TPP2: variants seen among roughly 807,000 people sequenced by gnomAD.
TPP2 encodes tripeptidyl peptidase 2.
TPP2 carries 34 observed loss-of-function variants against 155.9 expected under a neutral mutation model. That is an observed-to-expected ratio of 0.22 (90% CI 0.17 to 0.29). TPP2 has a LOEUF of 0.29. Ranked by LOEUF, TPP2 falls within the 10% of genes least tolerant of loss-of-function variation. The pLI, the probability that TPP2 is intolerant of heterozygous loss-of-function variation, is 1.00. For synonymous variants in TPP2, 510 were observed against 529.4 expected, an observed-to-expected ratio of 0.96 and a Z score of 0.50; for missense variants, 1,028 against 1,522.3, an observed-to-expected ratio of 0.68 and a Z score of 5.40.
At chr13:102,677,708 T>C (rs1885372747) in intron 29 of TPP2, among the ~76,000 whole-genome samples, 1 of 152,230 alleles carries the variant, frequency 6.6e-6, no homozygotes, top group Non-Finnish European at 1.5e-5. Context: ...AGAGATCCTT[T>C]CTTAACCATC....
chr13:102,601,551 A>C (rs1566312848), intron 1 of TPP2, among the ~76,000 whole-genome samples: 1 of 152,238 alleles, frequency 6.6e-6, no homozygotes, highest in African/African-American at 2.4e-5. Context: ...AACATAGCCC[A>C]GTAAGCATTT....
At chr13:102,610,519 C>T (rs144638317) in intron 2 of TPP2, among the ~76,000 whole-genome samples, 181 of 152,258 alleles carry the variant, frequency 1.2e-3, no homozygotes, top group Middle Eastern at 3.4e-3. Context: ...TGTCAGCCAC[C>T]GCGCCCAGCT....
chr13:102,647,485 G>T (rs771843778), intron 21 of TPP2, 141 bp downstream of exon 21: 35 of 1,037,196 alleles, frequency 3.4e-5, no homozygotes, highest in Non-Finnish European at 4.4e-5. Flanking sequence ...TGCAAACTGT[G>T]AGAGCCTGTT....
chr13:102,640,448 C>G (rs995503525), intron 16 of TPP2, 72 bp downstream of exon 16: 4 of 1,230,564 alleles, frequency 3.3e-6, no homozygotes, highest in Admixed American at 1.8e-5. Context: ...GTATGAGGTT[C>G]GTTTATCTGT....
At chr13:102,637,817 T>C (rs1425589268) in intron 14 of TPP2, among the ~76,000 whole-genome samples, 1 of 152,202 alleles carries the variant, frequency 6.6e-6, no homozygotes, top group Non-Finnish European at 1.5e-5. Context: ...TCCCAGGGCT[T>C]TGGGATTACA....
intron 27 of TPP2, among the ~76,000 whole-genome samples, chr13:102,673,690 G>C (rs1005984221): frequency 1.3e-5 from 2 of 152,160 alleles, no homozygotes; most frequent in Non-Finnish European, 2.9e-5. Context: ...CTTCCTAACT[G>C]GAGGACCTTG....
At chr13:102,637,660 C>T (rs566628169) in intron 14 of TPP2, among the ~76,000 whole-genome samples, 26 of 152,236 alleles carry the variant, frequency 1.7e-4, no homozygotes, top group Admixed American at 1.4e-3. Context: ...AAGTGATATT[C>T]ACACCTTAGC....
intron 24 of TPP2, among the ~76,000 whole-genome samples, chr13:102,653,247 A>G (rs994807094): frequency 2.0e-5 from 3 of 152,230 alleles, no homozygotes; most frequent in Admixed American, 6.5e-5. Flanking sequence ...AAAAAAATAC[A>G]TGTATAATTT....
chr13:102,619,959 AG>A (rs1331515392), intron 5 of TPP2, among the ~76,000 whole-genome samples: 1 of 152,220 alleles, frequency 6.6e-6, no homozygotes, highest in Non-Finnish European at 1.5e-5. Context: ...AAAGGAGGCA[AG>A]GTTAAATTCA....
At chr13:102,643,117 TG>T in intron 16 of TPP2, 104 bp from the exon 17 acceptor site, 2 of 1,059,674 alleles carry the variant, frequency 1.9e-6, no homozygotes. Flanking sequence ...ATCCCTATTA[TG>T]TCCCTACATG....
At chr13:102,619,447 A>C (rs945665740) in intron 5 of TPP2, among the ~76,000 whole-genome samples, 3 of 147,936 alleles carry the variant, frequency 2.0e-5, no homozygotes, top group Non-Finnish European at 4.5e-5. Flanking sequence ...CAAAAAAAAA[A>C]CAAACAAACA....
Position 102,636,248 on chromosome 13 carries a change from G to C in TPP2, c.1534G>C (p.Val512Leu), listed in dbSNP as rs73578896. ...IQVDKAYDYL[V>L]QNTSFANKLG... The stretch of plus-strand genomic sequence containing the variant: ...GGTTGATAAAGCCTATGACTACCTC[G>C]TTCAGAATACATCATTTGCTAATAA... The change falls in exon 13 of 30, where the codon GTT becomes CTT. Residue 512 changes from valine to leucine, a missense_variant. By Grantham distance (32) the Val-to-Leu change is conservative (BLOSUM62 1). Transcript: ENST00000376052. 1.2e-6 allele frequency: 2 copies of C among 1,612,338 alleles called. No homozygotes were observed.
At position 102,622,997 on chromosome 13, in the gene TPP2, T is replaced by C. The variant is rs147774815; in HGVS notation, c.741T>C (p.Asn247=). 8.7e-6 allele frequency: 14 copies of C among 1,613,952 alleles called. No individual in the cohort carries two copies. The highest frequency in any genetic ancestry group is 1.2e-5 in the Non-Finnish European group (14 of 1,179,976). ...GTAEMLNYSV[N]IYDDGNLLSI... ...CTGAGATGTTGAATTACTCCGTTAA[T>C]ATATACGATGATGGAAACCTGCTCT... is the stretch of plus-strand genomic sequence containing the variant. Residue 247 remains asparagine, a synonymous_variant, in exon 6 of 30, where the codon AAT becomes AAC. Transcript: ENST00000376052.
At chr13:102,625,690 A>G (rs2139473370) in intron 6 of TPP2, among the ~76,000 whole-genome samples, 1 of 152,334 alleles carries the variant, frequency 6.6e-6, no homozygotes, top group African/African-American at 2.4e-5. Context: ...CAGAATCCGC[A>G]ACATTGGGCG....
At chr13:102,597,543 T>C (rs766913432) in intron 1 of TPP2, among the ~76,000 whole-genome samples, 9 of 151,792 alleles carry the variant, frequency 5.9e-5, no homozygotes, top group Admixed American at 4.6e-4. Context: ...CCCTTCCTTC[T>C]CGCTTCGGCG....
rs956901747 is a variant in TPP2, at chr13:102,604,707, A to G, written c.166-86A>G. 27 of 1,406,414 alleles carry G rather than the reference A, an allele frequency of 1.9e-5. No homozygotes were observed. The South Asian group carries it at 3.7e-4, about 19-fold the overall frequency. The allele number at this position is 1,406,414 out of a possible 1,614,324, so 87.1% of individuals were successfully genotyped here. On this transcript the variant is annotated intron_variant, in intron 1 of 29. Transcript: ENST00000376052. The stretch of plus-strand genomic sequence containing the variant: ...TTAAGTGAATGTAGATTTTGTATAT[A>G]CACACACATATATATGTGGATTTGC...
chr13:102,640,508 T>C (rs965980075), intron 16 of TPP2, 132 bp downstream of exon 16: 4 of 655,842 alleles, frequency 6.1e-6, no homozygotes, highest in Middle Eastern at 2.5e-4. Flanking sequence ...CCTTAGACTT[T>C]CTGTAAAGTT....
At chr13:102,626,812 A>G (rs1366645276) in intron 6 of TPP2, 200 bp from the exon 7 acceptor site, 3 of 367,718 alleles carry the variant, frequency 8.2e-6, no homozygotes, top group Non-Finnish European at 1.4e-5. Flanking sequence ...AAAGATTTTT[A>G]TATATTCTGG....
intron 19 of TPP2, among the ~76,000 whole-genome samples, chr13:102,646,011 T>C (rs2046808481): frequency 6.6e-6 from 1 of 152,208 alleles, no homozygotes; most frequent in Non-Finnish European, 1.5e-5. Flanking sequence ...AGGATTTGGT[T>C]GTATTGAGAG....
Sources: gnomAD v4.1 joint callset for allele counts (sites outside exome capture counted in the v4.1 genomes callset) on GRCh38, gnomAD v4.1.1 for gene constraint, MANE v1.5 for transcripts, NCBI Gene and HGNC (gene_info 2026-07-23, HGNC 2026-07-21) for gene names.